GNG13: variants seen among roughly 807,000 people sequenced by gnomAD.
GNG13 encodes guanine nucleotide-binding protein G(I)/G(S)/G(O) subunit gamma-13.
GNG13 carries 12 observed loss-of-function variants against 8.2 expected under a neutral mutation model. The observed-to-expected ratio is 1.47, with a 90% CI of 0.94 to 2.38. GNG13 has a LOEUF of 2.38. Among genes scored for constraint, GNG13 ranks in the 30% most tolerant of loss-of-function variants. GNG13 has a pLI of 0.00. For synonymous variants in GNG13, 45 were observed against 33.0 expected, an observed-to-expected ratio of 1.37 and a Z score of -1.25; for missense variants, 100 against 85.2, an observed-to-expected ratio of 1.17 and a Z score of -0.68.
At chr16:799,181 G>T (rs1471590892) in intron 1 of GNG13, 70 bp from the exon 2 acceptor site, 1 of 705,270 alleles carries the variant, frequency 1.4e-6, no homozygotes, top group Non-Finnish European at 2.6e-6. Context: ...GCTGCTCCCC[G>T]CAGGCCTGAG....
rs2042424970 is a variant in GNG13 at position 799,078 on chromosome 16, G to A, written c.-1C>T. 1 of 1,578,770 alleles carries A rather than the reference G, an allele frequency of 6.3e-7. No individual in the cohort carries two copies. Among genetic ancestry groups the A allele is most frequent in the Non-Finnish European group, 8.7e-7 (1 of 1,148,744 alleles). ...TCTGTGGCACGTCCCACTCCTCCAT[G>A]GGGTCAGGGGCTTCTGAAGCAGCCA... On this transcript the variant is annotated 5_prime_UTR_variant, in exon 2 of 3. Coordinates refer to ENST00000248150, the MANE Select transcript of GNG13 (RefSeq NM_016541.3).
In GNG13 at chr16:799,111, G is replaced by T; in HGVS notation, c.-34C>A. 1 of 1,309,364 alleles carries T rather than the reference G, an allele frequency of 7.6e-7. No homozygotes were observed. The highest frequency in any genetic ancestry group is 1.1e-6 in the Non-Finnish European group (1 of 906,082). The allele number at this position is 1,309,364 out of a possible 1,614,324, so 81.1% of individuals were successfully genotyped here. ...GGGCTTCTGAAGCAGCCAGCCTGGG[G>T]CTGGAGGGCACAGGAGGAAGCCACA... On this transcript the variant is annotated splice_region_variant and 5_prime_UTR_variant, in exon 2 of 3. Coordinates refer to ENST00000248150, the MANE Select transcript of GNG13 (RefSeq NM_016541.3).
At chr16:798,922 T>G (rs924966285) in intron 2 of GNG13, 58 bp downstream of exon 2, 2 of 1,372,958 alleles carry the variant, frequency 1.5e-6, no homozygotes, top group African/African-American at 2.9e-5. Context: ...GCTATGGAAA[T>G]GAGCAGCCAG....
chr16:800,677 G>T lies in GNG13; in HGVS notation c.-46C>A, dbSNP rs2042437915. On this transcript the variant is annotated 5_prime_UTR_variant, in exon 1 of 3. Coordinates refer to ENST00000248150, the MANE Select transcript of GNG13 (RefSeq NM_016541.3). ...TTCATCGGACCTACCTTGAAAAGGT[G>T]ACAGCGGAGGGACAATGACAACGGC... 1 of 152,260 alleles carries T rather than the reference G, an allele frequency of 6.6e-6. No individual in the cohort carries two copies. Among genetic ancestry groups the T allele is most frequent in the Non-Finnish European group, 1.5e-5 (1 of 68,090 alleles). 9.4% of individuals were successfully genotyped at this position (152,260 alleles called of 1,614,324 possible). A position where few individuals can be genotyped will look rare whatever the true frequency, so the allele number is the denominator to read the frequency against.
chr16:799,136 A>T, intron 1 of GNG13, 25 bp from the exon 2 acceptor site: 1 of 992,564 alleles, frequency 1.0e-6, no homozygotes, highest in South Asian at 1.3e-5. Context: ...AGGAAGCCAC[A>T]GGGCCGAGGC....
Position 799,016 on chromosome 16 carries a change from G to A in GNG13, c.62C>T (p.Ala21Val), listed in dbSNP as rs1191624036. ...CTTGGACGCCATCTCCCGCTGGAAG[G>A]CCAGCTGGTACTTGAGGCTCTCCAC... is the stretch of plus-strand genomic sequence containing the variant. ...KEVESLKYQL[A>V]FQREMASKTI... Residue 21 changes from alanine to valine, a missense_variant, in exon 2 of 3, where the codon GCC becomes GTC. Physicochemically the swap from Ala to Val is moderately conservative, Grantham distance 64. Transcript: ENST00000248150. 1 of 1,610,564 alleles carries A rather than the reference G, an allele frequency of 6.2e-7. No individual in the cohort carries two copies. The highest frequency in any genetic ancestry group is 8.5e-7 in the Non-Finnish European group (1 of 1,177,070).
In GNG13 at chr16:798,659, G is replaced by A. The variant is rs982908522; in HGVS notation, c.*60C>T. On this transcript the variant is annotated 3_prime_UTR_variant, in exon 3 of 3. Transcript: ENST00000248150. The stretch of plus-strand genomic sequence containing the variant: ...GGGGCTGGGCACAGTCTTACAAGAT[G>A]GTGGGAGTGGGGCCGGGCGTGGTCT... 1.0e-5 allele frequency: 10 copies of A among 992,250 alleles called. No individual in the cohort carries two copies. In the Admixed American group the frequency reaches 1.0e-4, roughly 10 times the overall value. 61.5% of individuals were successfully genotyped at this position (992,250 alleles called of 1,614,324 possible).
Position 799,007 on chromosome 16 carries a change from C to CG in GNG13, c.70dup (p.Arg24ProfsTer57). 1 of 1,609,062 alleles carries CG rather than the reference C, an allele frequency of 6.2e-7. No homozygotes were observed. The highest frequency in any genetic ancestry group is 2.2e-5 in the East Asian group (1 of 44,828). On this transcript the variant is annotated frameshift_variant, in exon 2 of 3. Transcript: ENST00000248150. LOFTEE classifies it high-confidence loss of function. ...GGGGATGGTCTTGGACGCCATCTCC[C>CG]GCTGGAAGGCCAGCTGGTACTTGAG...
chr16:799,486 T>C (rs1567410138), intron 1 of GNG13, among the ~76,000 whole-genome samples: 2 of 152,196 alleles, frequency 1.3e-5, no homozygotes, highest in Non-Finnish European at 2.9e-5. Flanking sequence ...GTGTGAGGTG[T>C]GGGGCGAGGT....
rs182878513 is a variant in GNG13, at chr16:798,867, C to T, written c.99-43G>A. ...GCAGGTGAGTGGTGGCACCTGACCC[C>T]CGAGGGCCTCCTGCTGCACCTGCCT... On this transcript the variant is annotated intron_variant, in intron 2 of 2. Transcript: ENST00000248150. 2.7e-4 allele frequency: 384 copies of T among 1,412,224 alleles called. No individual in the cohort carries two copies. In the African/African-American group the frequency reaches 4.9e-3, roughly 18 times the overall value. The allele number at this position is 1,412,224 out of a possible 1,614,324, so 87.5% of individuals were successfully genotyped here.
At position 798,824 on chromosome 16, in the gene GNG13, C is replaced by G; in HGVS notation, c.99G>C (p.Glu33Asp). ...QREMASKTIPELLKWIEDGIP... is the reference protein window; with the variant it reads ...QREMASKTIPDLLKWIEDGIP... ...TCCCGTCCTCGATCCACTTCAGCAG[C>G]CTGCGGGTGGGCGGGTGGCAGGTGA... The change falls in exon 3 of 3, where the codon GAG becomes GAC. Residue 33 changes from glutamate (E) to aspartate (D), a missense_variant and splice_region_variant. Transcript: ENST00000248150. 3.7e-6 allele frequency: 6 copies of G among 1,604,336 alleles called. No homozygotes were observed. The highest frequency in any genetic ancestry group is 5.1e-6 in the Non-Finnish European group (6 of 1,172,444).
rs772978375 is a variant in GNG13, at chr16:798,813, C to T, written c.110G>A (p.Trp37Ter). 1.2e-5 allele frequency: 19 copies of T among 1,611,116 alleles called. No individual in the cohort carries two copies. Among genetic ancestry groups the T allele is most frequent in the Non-Finnish European group, 1.4e-5 (17 of 1,178,104 alleles). ...ASKTIPELLK[W>*]IEDGIPKDPF... ...GTCCTTGGGGATCCCGTCCTCGATC[C>T]ACTTCAGCAGCCTGCGGGTGGGCGG... Residue 37 changes from tryptophan (W) to a stop codon, truncating the protein, a stop_gained, in exon 3 of 3, where the codon TGG becomes TAG. Transcript: ENST00000248150. LOFTEE classifies it high-confidence loss of function.
rs1468295434 is a variant in GNG13 at position 799,087 on chromosome 16, G to A, written c.-10C>T. Reference sequence around the variant, plus strand: ...CGTCCCACTCCTCCATGGGGTCAGGGGCTTCTGAAGCAGCCAGCCTGGGGC... The same window carrying A: ...CGTCCCACTCCTCCATGGGGTCAGGAGCTTCTGAAGCAGCCAGCCTGGGGC... On this transcript the variant is annotated 5_prime_UTR_variant, in exon 2 of 3. Coordinates refer to ENST00000248150, the MANE Select transcript of GNG13 (RefSeq NM_016541.3). 7 of 1,547,214 alleles carry A rather than the reference G, an allele frequency of 4.5e-6. No homozygotes were observed. Among genetic ancestry groups the A allele is most frequent in the African/African-American group, 1.4e-5 (1 of 73,632 alleles).
chr16:798,575 A>C lies in GNG13; in HGVS notation c.*144T>G. The C allele has an allele frequency of 1.5e-6, 1 of 657,668 alleles. No homozygotes were observed. The highest frequency in any genetic ancestry group is 2.7e-6 in the Non-Finnish European group (1 of 365,078). The allele number at this position is 657,668 out of a possible 1,614,324, so 40.7% of individuals were successfully genotyped here. A position where few individuals can be genotyped will look rare whatever the true frequency, so the allele number is the denominator to read the frequency against. On this transcript the variant is annotated 3_prime_UTR_variant, in exon 3 of 3. Coordinates refer to ENST00000248150, the MANE Select transcript of GNG13 (RefSeq NM_016541.3). ...CAGGTTGGTGTGAGTGGGGCCGGGC[A>C]TGGGCTCACAGGATGGTGGGAGTGG...
chr16:799,009 C>T lies in GNG13; in HGVS notation c.69G>A (p.Gln23=). Residue 23 remains glutamine (Q), a synonymous_variant, in exon 2 of 3, where the codon CAG becomes CAA. Coordinates refer to ENST00000248150, the MANE Select transcript of GNG13 (RefSeq NM_016541.3). The part of the protein sequence containing the change: ...VESLKYQLAF[Q]REMASKTIPE... ...GGATGGTCTTGGACGCCATCTCCCG[C>T]TGGAAGGCCAGCTGGTACTTGAGGC... The T allele has an allele frequency of 6.2e-7, 1 of 1,610,100 alleles. No individual in the cohort carries two copies. Among genetic ancestry groups the T allele is most frequent in the Non-Finnish European group, 8.5e-7 (1 of 1,176,630 alleles).
chr16:798,606 G>C lies in GNG13; in HGVS notation c.*113C>G, dbSNP rs2042419274. 5 of 782,198 alleles carry C rather than the reference G, an allele frequency of 6.4e-6. No homozygotes were observed. Among genetic ancestry groups the C allele is most frequent in the Non-Finnish European group, 1.1e-5 (5 of 436,410 alleles). The allele number at this position is 782,198 out of a possible 1,614,324, so 48.5% of individuals were successfully genotyped here. ...TCACAGGATGGTGGGAGTGGGGCTGGGAGTGGGACTCACAGGATGGAGTGA... is the reference window on the plus strand; with the variant it reads ...TCACAGGATGGTGGGAGTGGGGCTGCGAGTGGGACTCACAGGATGGAGTGA... On this transcript the variant is annotated 3_prime_UTR_variant, in exon 3 of 3. Coordinates refer to ENST00000248150, the MANE Select transcript of GNG13 (RefSeq NM_016541.3).
In GNG13 at chr16:798,787, G is replaced by A. The variant is rs777654808; in HGVS notation, c.136C>T (p.Pro46Ser). Residue 46 changes from proline to serine, a missense_variant, in exon 3 of 3, where the codon CCC becomes TCC. Pro to Ser is a moderately conservative substitution (Grantham distance 74). Coordinates refer to ENST00000248150, the MANE Select transcript of GNG13 (RefSeq NM_016541.3). ...TTCATCAGGTCGGGGTTCAGGAAGG[G>A]GTCCTTGGGGATCCCGTCCTCGATC... ...KWIEDGIPKD[P>S]FLNPDLMKNN... The A allele has an allele frequency of 1.9e-6, 3 of 1,613,190 alleles. No individual in the cohort carries two copies. In the South Asian group the frequency reaches 3.3e-5, roughly 18 times the overall value.
At position 798,632 on chromosome 16, in the gene GNG13, G is replaced by A. The variant is rs368458346; in HGVS notation, c.*87C>T. 5.9e-6 allele frequency: 5 copies of A among 849,222 alleles called. No individual in the cohort carries two copies. The highest frequency in any genetic ancestry group is 3.4e-5 in the African/African-American group (2 of 58,406). The allele number at this position is 849,222 out of a possible 1,614,324, so 52.6% of individuals were successfully genotyped here. ...GAGTGGGACTCACAGGATGGAGTGA[G>A]TGGGGCTGGGCACAGTCTTACAAGA... On this transcript the variant is annotated 3_prime_UTR_variant, in exon 3 of 3. Transcript: ENST00000248150.
chr16:800,495 G>A (rs896868257), intron 1 of GNG13, among the ~76,000 whole-genome samples, 171 bp downstream of exon 1: 1 of 152,208 alleles, frequency 6.6e-6, no homozygotes, highest in Non-Finnish European at 1.5e-5. Flanking sequence ...CCCGCACCGC[G>A]AGAGCCGCCT....
Sources: allele counts gnomAD v4.1 joint callset (sites outside exome capture counted in the v4.1 genomes callset), GRCh38; gene constraint gnomAD v4.1.1; transcripts MANE v1.5; gene names NCBI Gene and HGNC (gene_info 2026-07-23, HGNC 2026-07-21).